Variants in ARHGAP6 observed in about 807,000 individuals in gnomAD.
ARHGAP6 encodes Rho GTPase activating protein 6, also known as rho GTPase-activating protein 6.
In ARHGAP6, 16 loss-of-function variants were observed where a neutral mutation model predicts 55.7. The observed-to-expected ratio is 0.29, with a 90% CI of 0.19 to 0.44. ARHGAP6 has a LOEUF of 0.44. Among genes scored for constraint, ARHGAP6 ranks in the 20% least tolerant of loss-of-function variants. The pLI is 1.00. For synonymous variants in ARHGAP6, 382 were observed against 360.9 expected, an observed-to-expected ratio of 1.06 and a Z score of -0.66; for missense variants, 698 against 808.9, an observed-to-expected ratio of 0.86 and a Z score of 1.66.
At chrX:11,343,516 G>C (rs1197270454) in intron 1 of ARHGAP6, among the ~76,000 whole-genome samples, 1 of 111,970 alleles carries the variant, frequency 8.9e-6, no homozygotes, top group South Asian at 3.7e-4. Context: ...CTTAATAGAT[G>C]GTCCCCAGGG....
chrX:11,453,295 A>AATAT (rs772378489), intron 1 of ARHGAP6, among the ~76,000 whole-genome samples: 1 of 97,623 alleles, frequency 1.0e-5, no homozygotes, highest in Non-Finnish European at 2.0e-5. Context: ...ATATATACAT[A>AATAT]ATATATATAT....
In ARHGAP6 at chrX:11,648,999, C is replaced by T. The variant is rs1029691423; in HGVS notation, c.588+15242G>A. 2.7e-5 allele frequency among the ~76,000 whole-genome samples: 3 copies of T among 112,103 alleles called. No homozygotes were observed. In the East Asian group the frequency reaches 8.4e-4, roughly 31 times the overall value. On this transcript the variant is annotated intron_variant, in intron 1 of 12. Coordinates refer to ENST00000337414, the MANE Select transcript of ARHGAP6 (RefSeq NM_013427.3). ...ATCTTAAAAAATGGAAGATGGAAAC[C>T]AACAGAGACATTCTCCAGCTTCCCT...
chrX:11,364,261 A>G (rs989928799), intron 1 of ARHGAP6, among the ~76,000 whole-genome samples: 1 of 110,332 alleles, frequency 9.1e-6, no homozygotes, highest in Non-Finnish European at 1.9e-5. Context: ...TACTATGTTT[A>G]CTACATGGTT....
chrX:11,355,093 T>C (rs182401084), intron 1 of ARHGAP6, among the ~76,000 whole-genome samples: 3 of 111,853 alleles, frequency 2.7e-5, no homozygotes, highest in African/African-American at 9.7e-5. Flanking sequence ...AGAGGTAGGA[T>C]TTCTAATGAG....
chrX:11,540,010 C>T (rs2051141424), intron 1 of ARHGAP6, among the ~76,000 whole-genome samples: 1 of 110,716 alleles, frequency 9.0e-6, no homozygotes, highest in Non-Finnish European at 1.9e-5. Flanking sequence ...AATCTCAGCA[C>T]TTAGGGAGGC....
intron 1 of ARHGAP6, among the ~76,000 whole-genome samples, chrX:11,571,675 T>A (rs1409127677): frequency 9.5e-6 from 1 of 105,788 alleles, no homozygotes; most frequent in African/African-American, 3.5e-5. Context: ...GAGTTCAAGA[T>A]CAGCCTGGGC....
At position 11,139,437 on chromosome X, in the gene ARHGAP6, T is replaced by G; in HGVS notation, c.2351A>C (p.Gln784Pro). Residue 784 changes from glutamine (Q) to proline (P), a missense_variant, in exon 13 of 13, where the codon CAG becomes CCG. By Grantham distance (76) the Gln-to-Pro change is moderately conservative (BLOSUM62 -1). This residue lies in a region of ARHGAP6 where 212 missense variants were observed against 208.7 expected (regional missense o/e 1.02). Coordinates refer to ENST00000337414, the MANE Select transcript of ARHGAP6 (RefSeq NM_013427.3). Reference sequence around the variant, plus strand: ...GCTGTCCAGCTCTGCGGGGCTCCCCTGCCACCGAGGCCAATTTGGGGACAG... The same window carrying G: ...GCTGTCCAGCTCTGCGGGGCTCCCCGGCCACCGAGGCCAATTTGGGGACAG... The part of the protein sequence containing the change: ...GNLSPNWPRW[Q>P]GSPAELDSDT... 8.4e-7 allele frequency: 1 copy of G among 1,187,209 alleles called. No individual in the cohort carries two copies. Among genetic ancestry groups the G allele is most frequent in the Non-Finnish European group, 1.1e-6 (1 of 885,921 alleles).
intron 1 of ARHGAP6, among the ~76,000 whole-genome samples, chrX:11,559,006 C>T (rs1259192004): frequency 9.5e-6 from 1 of 105,770 alleles, no homozygotes; most frequent in African/African-American, 3.5e-5. Context: ...TGCTTGTCCA[C>T]TTGTCTGCCC....
chrX:11,244,108 T>G (rs1303165161), intron 2 of ARHGAP6, among the ~76,000 whole-genome samples: 1 of 112,184 alleles, frequency 8.9e-6, no homozygotes, highest in Non-Finnish European at 1.9e-5. Context: ...ATCATGAAAT[T>G]AAAATAATGA....
chrX:11,484,713 C>G (rs2050494293), intron 1 of ARHGAP6, among the ~76,000 whole-genome samples: 1 of 111,986 alleles, frequency 8.9e-6, no homozygotes, highest in Admixed American at 9.4e-5. Flanking sequence ...TTGAGCCCCA[C>G]TCCATTAAAA....
intron 1 of ARHGAP6, among the ~76,000 whole-genome samples, chrX:11,315,878 T>G (rs2048354710): frequency 8.9e-6 from 1 of 112,013 alleles, no homozygotes; most frequent in African/African-American, 3.3e-5. Context: ...TATGCACTGA[T>G]AGTTACCTAG....
intron 1 of ARHGAP6, among the ~76,000 whole-genome samples, chrX:11,536,049 T>C (rs2051101243): frequency 9.0e-6 from 1 of 111,662 alleles, no homozygotes; most frequent in Admixed American, 9.5e-5. Context: ...TATCTGACCT[T>C]AGTAAGCCCA....
chrX:11,254,697 G>A lies in ARHGAP6; in HGVS notation c.599C>T (p.Thr200Ile), dbSNP rs764680870. The A allele has an allele frequency of 8.8e-7, 1 of 1,137,612 alleles. No homozygotes were observed. The highest frequency in any genetic ancestry group is 2.1e-5 in the South Asian group (1 of 47,722). The allele number at this position is 1,137,612 out of a possible 1,213,427, so 93.8% of individuals were successfully genotyped here. A position where few individuals can be genotyped will look rare whatever the true frequency, so the allele number is the denominator to read the frequency against. Residue 200 changes from threonine to isoleucine, a missense_variant, in exon 2 of 13, where the codon ACC becomes ATC. Physicochemically the swap from Thr to Ile is moderately conservative, Grantham distance 89. This residue lies in a region of ARHGAP6 where 322 missense variants were observed against 451.1 expected (regional missense o/e 0.71). Transcript: ENST00000337414. ...YVVWKSEGDF[T>I]WNSMSGRSVR... is the part of the protein sequence containing the mutation. Reference sequence around the variant, plus strand: ...ACTGCGGCCTGACATGCTGTTCCAGGTGAAATCACCCTGTAGGCCAAAAAA... The same window carrying A: ...ACTGCGGCCTGACATGCTGTTCCAGATGAAATCACCCTGTAGGCCAAAAAA...
chrX:11,178,998 C>T (rs1310090887), intron 7 of ARHGAP6, among the ~76,000 whole-genome samples: 1 of 111,979 alleles, frequency 8.9e-6, no homozygotes, highest in Admixed American at 9.5e-5. Flanking sequence ...CATTTTTAGG[C>T]ACAGACTCAA....
At chrX:11,432,472 A>G (rs2049949469) in intron 1 of ARHGAP6, among the ~76,000 whole-genome samples, 1 of 112,427 alleles carries the variant, frequency 8.9e-6, no homozygotes, top group African/African-American at 3.2e-5. Flanking sequence ...ACCCAGGAAT[A>G]TAATTGCTGG....
At chrX:11,317,478 T>A (rs1474709289) in intron 1 of ARHGAP6, among the ~76,000 whole-genome samples, 1 of 112,076 alleles carries the variant, frequency 8.9e-6, no homozygotes, top group East Asian at 2.8e-4. Context: ...GAGGTGACAC[T>A]TAGAGGGACA....
intron 1 of ARHGAP6, among the ~76,000 whole-genome samples, chrX:11,503,792 T>C (rs1416756690): frequency 9.0e-6 from 1 of 111,576 alleles, no homozygotes; most frequent in Non-Finnish European, 1.9e-5. Flanking sequence ...CCTAATGTTA[T>C]ACTGTCTGCT....
At chrX:11,478,342 T>C (rs1467514607) in intron 1 of ARHGAP6, among the ~76,000 whole-genome samples, 3 of 112,373 alleles carry the variant, frequency 2.7e-5, no homozygotes, top group Non-Finnish European at 5.6e-5. Context: ...GTTCATACAA[T>C]GGAAAACTAC....
At chrX:11,182,854 G>T (rs755992158) in intron 5 of ARHGAP6, among the ~76,000 whole-genome samples, 22 of 109,537 alleles carry the variant, frequency 2.0e-4, no homozygotes, top group Non-Finnish European at 3.8e-4. Context: ...AGGCTCAAGC[G>T]ATCCACCTGC....
Sources: allele counts gnomAD v4.1 joint callset (sites outside exome capture counted in the v4.1 genomes callset), GRCh38; gene constraint gnomAD v4.1.1; regional missense constraint gnomAD v4.1.1; transcripts MANE v1.5; gene names NCBI Gene and HGNC (gene_info 2026-07-23, HGNC 2026-07-21).